Variants in RPS5 observed in about 807,000 individuals in gnomAD.
RPS5 encodes the protein ribosomal protein S5, also known as small ribosomal subunit protein uS7.
RPS5 carries 2 observed loss-of-function variants against 20.9 expected under a neutral mutation model. The ratio of observed to expected loss-of-function variants is 0.10; its 90% confidence interval spans 0.04 to 0.30. The LOEUF (loss-of-function observed/expected upper bound fraction) is 0.30, where lower values mean the gene tolerates loss of function less well. Ranked by LOEUF, RPS5 falls within the 10% of genes least tolerant of loss-of-function variation. The pLI is 1.00. For missense variants in RPS5, 122 were observed against 287.2 expected, an observed-to-expected ratio of 0.42 and a Z score of 4.16; for synonymous variants, 112 against 105.8, an observed-to-expected ratio of 1.06 and a Z score of -0.36.
rs1228231576 is a variant in RPS5 at position 58,393,341 on chromosome 19, T to C, written c.319-18T>C. On this transcript the variant is annotated intron_variant, in intron 3 of 5. Transcript: ENST00000196551. ...TGCATGGGGCTGGATGTCAGGCTCA[T>C]ATCCCCCTTCTCTCTAGAACCCTCT... 1 of 1,612,928 alleles carries C rather than the reference T, an allele frequency of 6.2e-7. No individual in the cohort carries two copies. The highest frequency in any genetic ancestry group is 1.7e-5 in the Admixed American group (1 of 60,004).
chr19:58,393,588 C>T, intron 4 of RPS5, 101 bp downstream of exon 4: 2 of 1,430,192 alleles, frequency 1.4e-6, no homozygotes, highest in South Asian at 2.7e-5. Flanking sequence ...GCATGTTTTA[C>T]CTGCAGCATC....
At chr19:58,393,594 G>A (rs1336352434) in intron 4 of RPS5, 107 bp downstream of exon 4, 2 of 1,407,172 alleles carry the variant, frequency 1.4e-6, no homozygotes, top group Non-Finnish European at 1.9e-6. Context: ...TTTACCTGCA[G>A]CATCACTTCC....
intron 2 of RPS5, 66 bp from the exon 3 acceptor site, chr19:58,392,910 T>G: frequency 6.8e-7 from 1 of 1,476,220 alleles, no homozygotes; most frequent in South Asian, 1.2e-5. Context: ...TCTCCTCTGG[T>G]GTCTGGCCAA....
intron 4 of RPS5, chr19:58,393,689 C>T: frequency 1.7e-6 from 1 of 600,612 alleles, no homozygotes; most frequent in South Asian, 2.3e-5. Flanking sequence ...TGGCAGAGGT[C>T]TTCTTTCTTT....
chr19:58,390,127 T>C (rs8109913), intron 2 of RPS5, among the ~76,000 whole-genome samples: 15,464 of 152,132 alleles, frequency 0.1, 2,672 homozygotes, highest in African/African-American at 0.35. Context: ...AACTCCTGAC[T>C]TCAGGTGATC....
At chr19:58,387,462 G>A (rs2052332901) in intron 1 of RPS5, 123 bp downstream of exon 1, 1 of 152,308 alleles carries the variant, frequency 6.6e-6, no homozygotes, top group Non-Finnish European at 1.5e-5. Flanking sequence ...AAATGTAGAA[G>A]AAACGGGCGC....
intron 2 of RPS5, among the ~76,000 whole-genome samples, chr19:58,389,066 C>T (rs2052347158): frequency 7.2e-5 from 11 of 152,220 alleles, no homozygotes; most frequent in Admixed American, 6.5e-4. Context: ...TTTGTTCCTA[C>T]TCCGTACGGT....
rs1385886484 is a variant in RPS5 at position 58,393,492 on chromosome 19, G to A, written c.447+5G>A. ...CCCCTGCGCCGTGTGAACCAGGTGAGCCTGGGGCTTATGCACGTGGCAGGG... is the reference window on the plus strand; with the variant it reads ...CCCCTGCGCCGTGTGAACCAGGTGAACCTGGGGCTTATGCACGTGGCAGGG... On this transcript the variant is annotated splice_donor_5th_base_variant and intron_variant, in intron 4 of 5. Transcript: ENST00000196551. The A allele has an allele frequency of 1.2e-6, 2 of 1,608,402 alleles. No individual in the cohort carries two copies. Among genetic ancestry groups the A allele is most frequent in the Non-Finnish European group, 1.7e-6 (2 of 1,178,588 alleles).
At chr19:58,393,220 C>A in intron 3 of RPS5, 35 bp downstream of exon 3, 1 of 1,613,138 alleles carries the variant, frequency 6.2e-7, no homozygotes, top group Non-Finnish European at 8.5e-7. Context: ...GCAGGCTGTG[C>A]CCTCAGTACA....
chr19:58,392,761 T>C (rs188443150), intron 2 of RPS5, among the ~76,000 whole-genome samples: 13 of 152,044 alleles, frequency 8.6e-5, no homozygotes, highest in South Asian at 2.1e-4. Flanking sequence ...ACGAAGGAAG[T>C]GTACTTTTTA....
chr19:58,388,142 C>T lies in RPS5; in HGVS notation c.5C>T (p.Thr2Ile), dbSNP rs143571102. The change falls in exon 2 of 6, where the codon ACC (threonine) becomes ATC (isoleucine). Residue 2 changes from threonine to isoleucine, a missense_variant. Thr to Ile is a moderately conservative substitution (Grantham distance 89). Transcript: ENST00000196551. Reference protein sequence around the residue: MTEWETAAPAVA... With the variant: MIEWETAAPAVA... ...CTGTCATCACCCTGTCCCAGGATGA[C>T]CGAGTGGGAGACAGCAGCACCAGCG... 6.2e-7 allele frequency: 1 copy of T among 1,611,158 alleles called. No homozygotes were observed. Among genetic ancestry groups the T allele is most frequent in the Non-Finnish European group, 8.5e-7 (1 of 1,178,970 alleles).
At chr19:58,390,686 G>T (rs1437159563) in intron 2 of RPS5, among the ~76,000 whole-genome samples, 1 of 152,042 alleles carries the variant, frequency 6.6e-6, no homozygotes, top group Non-Finnish European at 1.5e-5. Flanking sequence ...CGTTTGTTAA[G>T]TGCCTGTTCC....
chr19:58,393,603 C>T, intron 4 of RPS5, 116 bp downstream of exon 4: 1 of 1,356,978 alleles, frequency 7.4e-7, no homozygotes, highest in Non-Finnish European at 9.9e-7. Context: ...AGCATCACTT[C>T]CTCTAGGAAG....
intron 4 of RPS5, 52 bp downstream of exon 4, chr19:58,393,539 G>A: frequency 6.3e-7 from 1 of 1,579,622 alleles, no homozygotes; most frequent in Non-Finnish European, 8.6e-7. Context: ...ACGGGAGTGG[G>A]TGGGGTCTTG....
chr19:58,389,524 C>G (rs956058471), intron 2 of RPS5, among the ~76,000 whole-genome samples: 3 of 152,188 alleles, frequency 2.0e-5, no homozygotes, highest in Non-Finnish European at 2.9e-5. Context: ...ATAATTCAGC[C>G]TTGTTTTTCA....
chr19:58,390,845 T>C (rs1353969055), intron 2 of RPS5, among the ~76,000 whole-genome samples: 1 of 151,906 alleles, frequency 6.6e-6, no homozygotes, highest in East Asian at 1.9e-4. Flanking sequence ...TTCACGAGAC[T>C]GTGAGTTTTT....
intron 2 of RPS5, among the ~76,000 whole-genome samples, chr19:58,389,761 C>A (rs2052351368): frequency 6.6e-6 from 1 of 151,782 alleles, no homozygotes; most frequent in Non-Finnish European, 1.5e-5. Context: ...CTCAGCCTCC[C>A]AAGTAGCTGA....
At chr19:58,390,425 A>AT (rs2052355287) in intron 2 of RPS5, among the ~76,000 whole-genome samples, 1 of 73,168 alleles carries the variant, frequency 1.4e-5, no homozygotes, top group Non-Finnish European at 2.7e-5. Context: ...GGCCACTGTT[A>AT]CTTTTTTTTT....
At chr19:58,388,445 C>G (rs1385426787) in intron 2 of RPS5, 200 bp downstream of exon 2, 2 of 578,828 alleles carry the variant, frequency 3.5e-6, no homozygotes, top group Non-Finnish European at 6.2e-6. Flanking sequence ...CATGAGAGGA[C>G]TCCTTCACCA....
Sources: allele counts gnomAD v4.1 joint callset (sites outside exome capture counted in the v4.1 genomes callset), GRCh38; gene constraint gnomAD v4.1.1; transcripts MANE v1.5; gene names NCBI Gene and HGNC (gene_info 2026-07-23, HGNC 2026-07-21).